CCDC78: variants seen among roughly 807,000 people sequenced by gnomAD.
CCDC78 encodes the protein coiled-coil domain containing 78.
In CCDC78, 78 loss-of-function variants were observed where a neutral mutation model predicts 61.9. That is an observed-to-expected ratio of 1.26 (90% CI 1.05 to 1.52). CCDC78 has a LOEUF of 1.52. Ranked by LOEUF, CCDC78 falls within the 40% of genes most tolerant of loss-of-function variation. The pLI is 0.00. For synonymous variants in CCDC78, 287 were observed against 251.9 expected (o/e 1.14, Z -1.32); for missense variants, 737 against 615.5 (o/e 1.20, Z -2.09).
intron 11 of CCDC78, 21 bp downstream of exon 11, chr16:723,836 C>T (rs776726348): frequency 6.4e-7 from 1 of 1,563,740 alleles, no homozygotes; most frequent in Admixed American, 1.9e-5. Context: ...AGGCCTCCCC[C>T]ACACCCATGA....
In CCDC78 at chr16:725,538, C is replaced by A. The variant is rs1156280950; in HGVS notation, c.310G>T (p.Gly104Ter). The change falls in exon 4 of 14, where the codon GGA becomes TGA. Residue 104 changes from glycine (G) to a stop codon, truncating the protein, a stop_gained. Transcript: ENST00000345165. LOFTEE classifies it high-confidence loss of function. ...GCACAGCCCTGGCTGGTGCCATCTC[C>A]TCGCAGCTCCAGCTCCAGTACCCGG... ...ESRVLELELRGDGTSQGCAVP... is the reference protein window; with the variant it reads ...ESRVLELELR 2 of 1,611,854 alleles carry A rather than the reference C, an allele frequency of 1.2e-6. No homozygotes were observed. The highest frequency in any genetic ancestry group is 1.7e-6 in the Non-Finnish European group (2 of 1,179,736).
intron 11 of CCDC78, 28 bp downstream of exon 11, chr16:723,829 C>A: frequency 1.3e-6 from 2 of 1,553,480 alleles, no homozygotes; most frequent in Non-Finnish European, 1.7e-6. Flanking sequence ...CCCCCACAGG[C>A]CTCCCCCACA....
rs768453684 is a variant in CCDC78 at position 725,793 on chromosome 16, CCTCA to C, written c.264_267del (p.Ser88ArgfsTer64). The C allele has an allele frequency of 6.2e-7, 1 of 1,604,968 alleles. No individual in the cohort carries two copies. Among genetic ancestry groups the C allele is most frequent in the Non-Finnish European group, 8.5e-7 (1 of 1,175,570 alleles). The stretch of plus-strand genomic sequence containing the variant: ...TGAGGCTGGTTCACACGGCTGCTCA[CCTCA>C]CTCTTCAGCTGGAAGATTTCAGCCT... On this transcript the variant is annotated frameshift_variant and splice_region_variant, in exon 3 of 14. Transcript: ENST00000345165. LOFTEE classifies it high-confidence loss of function.
At chr16:723,667 T>C (rs2040493012) in intron 11 of CCDC78, 190 bp downstream of exon 11, 2 of 702,698 alleles carry the variant, frequency 2.8e-6, no homozygotes, top group East Asian at 5.4e-5. Context: ...CCTCTTCTCT[T>C]TCCTGTGATT....
intron 11 of CCDC78, 59 bp from the exon 12 acceptor site, chr16:723,220 A>T (rs760674898): frequency 2.6e-6 from 4 of 1,568,396 alleles, no homozygotes; most frequent in Non-Finnish European, 3.5e-6. Context: ...ACACAGGGAC[A>T]GACGTGACCG....
In CCDC78 at chr16:726,336, G is replaced by C. The variant is rs1253594165; in HGVS notation, c.32C>G (p.Pro11Arg). 3 of 1,545,730 alleles carry C rather than the reference G, an allele frequency of 1.9e-6. No individual in the cohort carries two copies. Among genetic ancestry groups the C allele is most frequent in the Admixed American group, 4.0e-5 (2 of 49,522 alleles). ...CTCCACCCGCCGAGAGGGAGGTCCA[G>C]GCCTGGGGCCTGTGGTGGCTGCGTG... is the stretch of plus-strand genomic sequence containing the variant. MEHAATTGPR[P>R]GPPSRRVENV... is the part of the protein sequence containing the mutation. Residue 11 changes from proline to arginine, a missense_variant, in exon 1 of 14, where the codon CCT (proline) becomes CGT (arginine). Pro to Arg is a moderately radical substitution (Grantham distance 103). Coordinates refer to ENST00000345165, the MANE Select transcript of CCDC78 (RefSeq NM_001378030.1).
chr16:723,253 C>T (rs570669040), intron 11 of CCDC78, 92 bp from the exon 12 acceptor site: 45 of 1,349,500 alleles, frequency 3.3e-5, no homozygotes, highest in South Asian at 3.7e-5. Flanking sequence ...TTCCCAGAGC[C>T]GGGAGGGGAC....
chr16:726,511 G>A (rs2040961494), upstream of CCDC78: 8 of 962,270 alleles, frequency 8.3e-6, no homozygotes, highest in Admixed American at 3.0e-5. Flanking sequence ...CGCCCACAGG[G>A]GCCGGCCAGA....
Position 725,878 on chromosome 16 carries a change from G to T in CCDC78, c.183C>A (p.Ile61=). ...LALNKEQQLQ[I]SKELVDIQIT... is the part of the protein sequence containing the mutation. Reference sequence around the variant, plus strand: ...TCTGAATGTCGACCAGCTCCTTGGAGATCTGTGGGTGGCCAGGTGAGAGGT... The same window carrying T: ...TCTGAATGTCGACCAGCTCCTTGGATATCTGTGGGTGGCCAGGTGAGAGGT... Residue 61 remains isoleucine (I), a splice_region_variant and synonymous_variant, in exon 3 of 14, where the codon ATC becomes ATA. Coordinates refer to ENST00000345165, the MANE Select transcript of CCDC78 (RefSeq NM_001378030.1). 1 of 1,609,698 alleles carries T rather than the reference G, an allele frequency of 6.2e-7. No homozygotes were observed.
Position 724,483 on chromosome 16 carries a change from C to T in CCDC78, c.792G>A (p.Ala264=), listed in dbSNP as rs1186783335. The change falls in exon 9 of 14, where the codon GCG becomes GCA. Residue 264 remains alanine, a synonymous_variant. Transcript: ENST00000345165. The part of the protein sequence containing the change: ...AVEHADGAGQ[A]PATTALRTFL... Reference sequence around the variant, plus strand: ...ATGTCCGGAGGGCCGTGGTGGCTGGCGCTTGGCCTGCACCATCTGCGTGCT... The same window carrying T: ...ATGTCCGGAGGGCCGTGGTGGCTGGTGCTTGGCCTGCACCATCTGCGTGCT... 3.8e-6 allele frequency: 6 copies of T among 1,599,954 alleles called. No homozygotes were observed. The African/African-American group carries it at 4.0e-5, about 11-fold the overall frequency.
At chr16:725,168 T>G (rs773184703) in intron 5 of CCDC78, 23 bp from the exon 6 acceptor site, 1 of 1,612,574 alleles carries the variant, frequency 6.2e-7, no homozygotes, top group Non-Finnish European at 8.5e-7. Context: ...CAGGGCTGGC[T>G]GGATGAGACC....
chr16:726,287 G>A lies in CCDC78; in HGVS notation c.60+21C>T, dbSNP rs202043228. ...CAGACTTCAACCCCATGGCAGGAGC[G>A]GCAAGTCCCAGAGGACTCACATTCT... On this transcript the variant is annotated intron_variant, in intron 1 of 13. Coordinates refer to ENST00000345165, the MANE Select transcript of CCDC78 (RefSeq NM_001378030.1). 74 of 1,549,330 alleles carry A rather than the reference G, an allele frequency of 4.8e-5. No individual in the cohort carries two copies. The East Asian group carries it at 1.8e-3, about 37-fold the overall frequency.
rs775622579 is a variant in CCDC78 at position 722,680 on chromosome 16, A to G, written c.1411T>C (p.Ter471GlnextTer30). ...TGCTCTGCTCCTTGGGAGACGGCCTAGTGGCTGCCGGTCCTTGGATGCTGG... is the reference window on the plus strand; with the variant it reads ...TGCTCTGCTCCTTGGGAGACGGCCTGGTGGCTGCCGGTCCTTGGATGCTGG... ...KPQHPRTGSH[*>Q] Residue 471 changes from the stop codon to glutamine (Q), a stop_lost, in exon 14 of 14, where the codon TAG (stop) becomes CAG (glutamine). Coordinates refer to ENST00000345165, the MANE Select transcript of CCDC78 (RefSeq NM_001378030.1). 7 of 1,605,412 alleles carry G rather than the reference A, an allele frequency of 4.4e-6. No homozygotes were observed. The highest frequency in any genetic ancestry group is 3.3e-5 in the Admixed American group (2 of 59,982).
chr16:725,155 A>G lies in CCDC78; in HGVS notation c.493-10T>C. 1 of 1,612,664 alleles carries G rather than the reference A, an allele frequency of 6.2e-7. No individual in the cohort carries two copies. Among genetic ancestry groups the G allele is most frequent in the Non-Finnish European group, 8.5e-7 (1 of 1,179,988 alleles). The stretch of plus-strand genomic sequence containing the variant: ...TCACTTCCCCCTGCAGCTGTGGGGC[A>G]CACAGGGCTGGCTGGATGAGACCCT... On this transcript the variant is annotated splice_polypyrimidine_tract_variant and intron_variant, in intron 5 of 13. Transcript: ENST00000345165.
rs1238934884 is a variant in CCDC78 at position 722,707 on chromosome 16, G to A, written c.1384C>T (p.Pro462Ser). 1.9e-6 allele frequency: 3 copies of A among 1,609,552 alleles called. No homozygotes were observed. In the Admixed American group the frequency reaches 5.0e-5, roughly 27 times the overall value. Residue 462 changes from proline (P) to serine (S), a missense_variant, in exon 14 of 14, where the codon CCC (proline) becomes TCC (serine). Physicochemically the swap from Pro to Ser is moderately conservative, Grantham distance 74. Coordinates refer to ENST00000345165, the MANE Select transcript of CCDC78 (RefSeq NM_001378030.1). ...TGGCTGCCGGTCCTTGGATGCTGGG[G>A]CTTGGCTGGAGGCACAGCCCCCACT... ...WKVGAVPPAK[P>S]QHPRTGSH
Position 724,204 on chromosome 16 carries a change from C to T in CCDC78, c.955G>A (p.Ala319Thr). The change falls in exon 10 of 14, where the codon GCA (alanine) becomes ACA (threonine). Residue 319 changes from alanine (A) to threonine (T), a missense_variant and splice_region_variant. By Grantham distance (58) the Ala-to-Thr change is moderately conservative (BLOSUM62 0). Coordinates refer to ENST00000345165, the MANE Select transcript of CCDC78 (RefSeq NM_001378030.1). ...RHEELLVAYR[A>T]PGNPQAIFDI... is the part of the protein sequence containing the mutation. ...AAAATAGCTTGGGGGTTCCCAGGTG[C>T]CCTGTCAGGGTAGGCTAGTGTCTGT... 1 of 1,593,436 alleles carries T rather than the reference C, an allele frequency of 6.3e-7. No individual in the cohort carries two copies. Among genetic ancestry groups the T allele is most frequent in the Non-Finnish European group, 8.6e-7 (1 of 1,169,420 alleles).
At chr16:725,701 G>A in intron 3 of CCDC78, 93 bp downstream of exon 3, 1 of 1,569,768 alleles carries the variant, frequency 6.4e-7, no homozygotes, top group African/African-American at 1.3e-5. Flanking sequence ...ACCCACAGAT[G>A]CCATGTGCGT....
Position 723,953 on chromosome 16 carries a change from T to A in CCDC78, c.1054-17A>T. 6.3e-7 allele frequency: 1 copy of A among 1,597,456 alleles called. No homozygotes were observed. The highest frequency in any genetic ancestry group is 1.3e-5 in the African/African-American group (1 of 74,368). On this transcript the variant is annotated splice_polypyrimidine_tract_variant and intron_variant, in intron 10 of 13. Transcript: ENST00000345165. ...CCCGCCGTGCTACAGAGGTTTGTGG[T>A]GGGGACGTTTCAGTTGGCTGAACAA...
At chr16:722,831 G>A (rs778968209) in intron 13 of CCDC78, 42 bp from the exon 14 acceptor site, 8 of 1,610,310 alleles carry the variant, frequency 5.0e-6, no homozygotes, top group Non-Finnish European at 6.8e-6. Flanking sequence ...CCCAGCTGTG[G>A]ACAGGTCTGC....
Sources: allele counts gnomAD v4.1 joint callset, GRCh38; gene constraint gnomAD v4.1.1; transcripts MANE v1.5; gene names NCBI Gene and HGNC (gene_info 2026-07-23, HGNC 2026-07-21).